The following ADCK1 variants were observed in gnomAD, a reference collection of about 807,000 sequenced individuals.
ADCK1 encodes aarF domain-containing protein kinase 1.
In ADCK1, 41 loss-of-function variants were observed where a neutral mutation model predicts 52.3. The ratio of observed to expected loss-of-function variants is 0.78; its 90% CI spans 0.61 to 1.02. The LOEUF is 1.02. ADCK1 is among the 50% of genes least tolerant of loss of function. ADCK1 has a pLI of 0.00. For synonymous variants in ADCK1, 250 were observed against 274.6 expected, an observed-to-expected ratio of 0.91 and a Z score of 0.89; for missense variants, 658 against 679.5, an observed-to-expected ratio of 0.97 and a Z score of 0.35.
At chr14:77,888,936 A>G (rs2083221790) in intron 5 of ADCK1, among the ~76,000 whole-genome samples, 1 of 152,084 alleles carries the variant, frequency 6.6e-6, no homozygotes, top group Non-Finnish European at 1.5e-5. Flanking sequence ...TAGCCCCCAT[A>G]AGCCCCACAT....
chr14:77,843,764 G>A (rs2082121831), intron 3 of ADCK1, among the ~76,000 whole-genome samples: 1 of 152,200 alleles, frequency 6.6e-6, no homozygotes, highest in Non-Finnish European at 1.5e-5. Flanking sequence ...CATTATTGAT[G>A]CTTGTAATTC....
chr14:77,807,889 C>T (rs191153844), intron 1 of ADCK1, among the ~76,000 whole-genome samples: 2 of 151,804 alleles, frequency 1.3e-5, no homozygotes, highest in African/African-American at 2.4e-5. Context: ...GTGATCCACC[C>T]GTCTCAGCCT....
At chr14:77,840,503 G>A (rs928123547) in intron 3 of ADCK1, among the ~76,000 whole-genome samples, 13 of 151,998 alleles carry the variant, frequency 8.6e-5, no homozygotes, top group Non-Finnish European at 1.2e-4. Flanking sequence ...TGATTACACC[G>A]GGCCAATCTG....
At position 77,830,204 on chromosome 14, in the gene ADCK1, C is replaced by A. The variant is rs536780508; in HGVS notation, c.219+7686C>A. ...CCAGGCCAGAGTGCAGTGGTGCGAT[C>A]TCCGCTCACGGCAACCTCCGTTCAC... is the stretch of plus-strand genomic sequence containing the variant. On this transcript the variant is annotated intron_variant, in intron 3 of 10. Transcript: ENST00000238561. 2.6e-4 allele frequency among the ~76,000 whole-genome samples: 39 copies of A among 150,826 alleles called. 3 individuals carry two copies. The highest frequency in any genetic ancestry group is 2.1e-3 in the South Asian group (10 of 4,710).
At chr14:77,838,586 T>C (rs1252777999) in intron 3 of ADCK1, among the ~76,000 whole-genome samples, 2 of 152,142 alleles carry the variant, frequency 1.3e-5, no homozygotes, top group Non-Finnish European at 2.9e-5. Context: ...GTAGTAAAGA[T>C]GGGGTTTCAC....
chr14:77,886,866 C>T (rs904419753), intron 4 of ADCK1, among the ~76,000 whole-genome samples: 2 of 151,912 alleles, frequency 1.3e-5, no homozygotes, highest in Admixed American at 6.6e-5. Context: ...AAGATCATGC[C>T]ACTGCACTCC....
In ADCK1 at chr14:77,889,886, T is replaced by TAAAA. The variant is rs10683624; in HGVS notation, c.582+2652_582+2655dup. ...GATCACTAGAGAAGGTATATAGAGT[T>TAAAA]AAAAAAAAAAAAAAAAAACAGAAGA... On this transcript the variant is annotated intron_variant, in intron 5 of 10. Coordinates refer to ENST00000238561, the MANE Select transcript of ADCK1 (RefSeq NM_020421.4). Among the ~76,000 whole-genome samples the TAAAA allele has an allele frequency of 6.1e-3, 755 of 123,136 alleles. 20 individuals carry two copies. Among genetic ancestry groups the TAAAA allele is most frequent in the Non-Finnish European group, 8.7e-3 (524 of 60,084 alleles). The allele number at this position is 123,136 out of a possible 152,430, so 80.8% of individuals were successfully genotyped here. A position where few individuals can be genotyped will look rare whatever the true frequency, so the allele number is the denominator to read the frequency against.
intron 7 of ADCK1, among the ~76,000 whole-genome samples, chr14:77,913,524 C>T (rs2083845046): frequency 6.6e-6 from 1 of 152,230 alleles, no homozygotes; most frequent in African/African-American, 2.4e-5. Flanking sequence ...TGTCATTGAT[C>T]TCATTAAAAG....
chr14:77,802,419 G>T (rs1022921556), intron 1 of ADCK1, among the ~76,000 whole-genome samples: 2 of 151,846 alleles, frequency 1.3e-5, no homozygotes, highest in Non-Finnish European at 2.9e-5. Context: ...TATTTTTGTT[G>T]TCTATTCTGG....
intron 3 of ADCK1, among the ~76,000 whole-genome samples, chr14:77,850,426 T>C (rs1323673689): frequency 6.6e-6 from 1 of 152,218 alleles, no homozygotes; most frequent in Non-Finnish European, 1.5e-5. Flanking sequence ...GATTTTTCTG[T>C]TTCTCTTTGC....
rs1468887715 is a variant in ADCK1, at chr14:77,899,209, G to A, written c.692G>A (p.Arg231Lys). The A allele has an allele frequency of 1.9e-6, 3 of 1,614,184 alleles. No homozygotes were observed. Among genetic ancestry groups the A allele is most frequent in the Non-Finnish European group, 2.5e-6 (3 of 1,180,034 alleles). The change falls in exon 6 of 11, where the codon AGG (arginine) becomes AAG (lysine). Residue 231 changes from arginine to lysine, a missense_variant. By Grantham distance (26) the Arg-to-Lys change is conservative. Transcript: ENST00000238561. ...PLELDFLNEGRNAEKVSQMLR... is the reference protein window; with the variant it reads ...PLELDFLNEGKNAEKVSQMLR... ...GAGCTGGATTTCCTCAATGAAGGGA[G>A]GAATGCTGAGAAGGTGTCCCAGATG... is the stretch of plus-strand genomic sequence containing the variant.
rs544737404 is a variant in ADCK1 at position 77,857,174 on chromosome 14, G to A, written c.220-1902G>A. Among the ~76,000 whole-genome samples, 47 of 152,194 alleles carry A rather than the reference G, an allele frequency of 3.1e-4. No homozygotes were observed. The Middle Eastern group carries it at 0.01, about 33-fold the overall frequency. ...TCTTCTGAGCAGCAGCGATCTGGGC[G>A]TGGTGGCTCATGATGGTAATCCCAG... On this transcript the variant is annotated intron_variant, in intron 3 of 10. Coordinates refer to ENST00000238561, the MANE Select transcript of ADCK1 (RefSeq NM_020421.4).
chr14:77,898,778 C>T (rs112897041), intron 5 of ADCK1, among the ~76,000 whole-genome samples: 2 of 152,270 alleles, frequency 1.3e-5, no homozygotes, highest in South Asian at 2.1e-4. Flanking sequence ...GCACATCCTA[C>T]ACACATATCC....
intron 4 of ADCK1, among the ~76,000 whole-genome samples, chr14:77,874,205 C>A (rs1357290015): frequency 6.6e-6 from 1 of 152,192 alleles, no homozygotes; most frequent in Non-Finnish European, 1.5e-5. Flanking sequence ...TCTCTTGATT[C>A]ATCACAACCA....
intron 3 of ADCK1, among the ~76,000 whole-genome samples, chr14:77,835,022 T>A (rs563913705): frequency 6.6e-6 from 1 of 152,276 alleles, no homozygotes; most frequent in African/African-American, 2.4e-5. Context: ...CGCCCTGGAC[T>A]GGGTGCTTCG....
At chr14:77,844,766 C>T (rs17752974) in intron 3 of ADCK1, among the ~76,000 whole-genome samples, 7,386 of 152,258 alleles carry the variant, frequency 0.049, 192 homozygotes, top group South Asian at 0.065. Flanking sequence ...GTCTTTAGAA[C>T]CCCAGTAACA....
intron 8 of ADCK1, 21 bp downstream of exon 8, chr14:77,924,627 C>T (rs758086849): frequency 1.2e-6 from 2 of 1,610,712 alleles, no homozygotes; most frequent in South Asian, 2.2e-5. Flanking sequence ...CCTTTGTTAC[C>T]CAGCCCTGGG....
At chr14:77,802,136 C>T (rs1483783452) in intron 1 of ADCK1, among the ~76,000 whole-genome samples, 2 of 152,036 alleles carry the variant, frequency 1.3e-5, no homozygotes, top group Non-Finnish European at 2.9e-5. Context: ...CTGCCTCCAT[C>T]ACTTACCAGC....
At chr14:77,879,451 G>A (rs2082971854) in intron 4 of ADCK1, among the ~76,000 whole-genome samples, 1 of 152,198 alleles carries the variant, frequency 6.6e-6, no homozygotes, top group South Asian at 2.1e-4. Flanking sequence ...GGGGAAGGGA[G>A]CCTTTTGGCC....
Sources: allele counts gnomAD v4.1 joint callset (sites outside exome capture counted in the v4.1 genomes callset), GRCh38; gene constraint gnomAD v4.1.1; transcripts MANE v1.5; gene names NCBI Gene and HGNC (gene_info 2026-07-23, HGNC 2026-07-21).